POLR1A: variants seen among roughly 807,000 people sequenced by gnomAD.
POLR1A encodes DNA-directed RNA polymerase I subunit RPA1.
POLR1A carries 84 observed loss-of-function variants against 205.3 expected under a neutral mutation model. The ratio of observed to expected loss-of-function variants is 0.41; its 90% CI spans 0.34 to 0.49. POLR1A has a LOEUF of 0.49. POLR1A is among the 20% of genes least tolerant of loss of function. POLR1A has a pLI of 0.22. For missense variants in POLR1A, 1,645 were observed against 2,204.5 expected (o/e 0.75, Z 5.08); for synonymous variants, 799 against 863.7 (o/e 0.93, Z 1.31).
chr2:86,094,089 T>C (rs1444673696), intron 3 of POLR1A, among the ~76,000 whole-genome samples: 5 of 152,222 alleles, frequency 3.3e-5, no homozygotes, highest in Non-Finnish European at 7.3e-5. Context: ...CCATCAGGTA[T>C]GCTTCACTTT....
intron 6 of POLR1A, among the ~76,000 whole-genome samples, chr2:86,085,724 A>G (rs1673493167): frequency 6.6e-6 from 1 of 152,194 alleles, no homozygotes; most frequent in African/African-American, 2.4e-5. Context: ...ATCTCCTCAC[A>G]TGCGCTGCAT....
intron 6 of POLR1A, among the ~76,000 whole-genome samples, chr2:86,086,395 C>T (rs186259482): frequency 6.6e-6 from 1 of 152,308 alleles, no homozygotes; most frequent in Non-Finnish European, 1.5e-5. Flanking sequence ...CTAGCCCTCA[C>T]TTTTTGATTC....
intron 3 of POLR1A, among the ~76,000 whole-genome samples, chr2:86,098,053 C>T (rs1447458748): frequency 6.6e-6 from 1 of 152,084 alleles, no homozygotes; most frequent in Non-Finnish European, 1.5e-5. Flanking sequence ...AAACCAAATA[C>T]AAGAAGTAAA....
intron 1 of POLR1A, among the ~76,000 whole-genome samples, chr2:86,101,446 G>T (rs549823080): frequency 3.3e-5 from 5 of 152,158 alleles, no homozygotes; most frequent in Non-Finnish European, 5.9e-5. Context: ...AGGCGACAGG[G>T]AGGCAGATCT....
chr2:86,081,094 A>C, intron 8 of POLR1A, 116 bp from the exon 9 acceptor site: 1 of 893,502 alleles, frequency 1.1e-6, no homozygotes, highest in Non-Finnish European at 1.7e-6. Context: ...AAAACAACCA[A>C]CCTTCCTAAC....
chr2:86,086,944 C>T (rs1370720488), intron 6 of POLR1A, among the ~76,000 whole-genome samples: 1 of 152,202 alleles, frequency 6.6e-6, no homozygotes, highest in African/African-American at 2.4e-5. Flanking sequence ...TCCACTCTTA[C>T]AGTGTTAACT....
At chr2:86,067,952 A>T (rs139086266) in intron 13 of POLR1A, among the ~76,000 whole-genome samples, 63 of 152,302 alleles carry the variant, frequency 4.1e-4, no homozygotes, top group Non-Finnish European at 7.8e-4. Flanking sequence ...TAATTTATTG[A>T]CATTAAGTTT....
intron 18 of POLR1A, among the ~76,000 whole-genome samples, chr2:86,048,559 C>T (rs918175794): frequency 2.6e-5 from 4 of 152,332 alleles, no homozygotes; most frequent in Non-Finnish European, 4.4e-5. Context: ...GATCCGGGTC[C>T]CTCACCCTGC....
chr2:86,025,764 G>A lies in POLR1A; in HGVS notation c.*1659C>T, dbSNP rs1449648163. ...GGACACTCTCACAATTCTAGTGTGT[G>A]TAGAAATCATCAAGTGAATATGGCC... On this transcript the variant is annotated 3_prime_UTR_variant, in exon 34 of 34. Transcript: ENST00000263857. 1.3e-5 allele frequency: 2 copies of A among 152,262 alleles called. No individual in the cohort carries two copies. Among genetic ancestry groups the A allele is most frequent in the East Asian group, 1.9e-4 (1 of 5,198 alleles). 9.4% of individuals were successfully genotyped at this position (152,262 alleles called of 1,614,324 possible).
intron 16 of POLR1A, 22 bp from the exon 17 acceptor site, chr2:86,049,264 C>T: frequency 6.3e-7 from 1 of 1,589,820 alleles, no homozygotes; most frequent in Non-Finnish European, 8.6e-7. Flanking sequence ...AACAGACAAG[C>T]TTGTAGGCGA....
rs1690243550 is a variant in POLR1A at position 86,025,415 on chromosome 2, A to G, written c.*2008T>C. The stretch of plus-strand genomic sequence containing the variant: ...CACCAAAGTGAGCGTGTAATTCCCT[A>G]AGGCCACCACAGTGAGTCCCTGCTC... On this transcript the variant is annotated 3_prime_UTR_variant, in exon 34 of 34. Coordinates refer to ENST00000263857, the MANE Select transcript of POLR1A (RefSeq NM_015425.6). The G allele has an allele frequency of 6.6e-6, 1 of 152,220 alleles. No homozygotes were observed. Among genetic ancestry groups the G allele is most frequent in the Non-Finnish European group, 1.5e-5 (1 of 68,040 alleles). The allele number at this position is 152,220 out of a possible 1,614,324, so 9.4% of individuals were successfully genotyped here.
intron 13 of POLR1A, among the ~76,000 whole-genome samples, chr2:86,067,489 T>C (rs1673102518): frequency 6.6e-6 from 1 of 152,180 alleles, no homozygotes; most frequent in East Asian, 1.9e-4. Flanking sequence ...TTTAACTGTT[T>C]TCATGGAAAA....
rs1443391327 is a variant in POLR1A at position 86,023,403 on chromosome 2, CCT to C, written c.*4018_*4019del. ...AAGAGCAGTCTGGACTCTGACAGCC[CCT>C]GATTCAGGTGCAAACTAAAAATTTT... On this transcript the variant is annotated 3_prime_UTR_variant, in exon 34 of 34. Coordinates refer to ENST00000263857, the MANE Select transcript of POLR1A (RefSeq NM_015425.6). 4 of 152,142 alleles carry C rather than the reference CCT, an allele frequency of 2.6e-5. No individual in the cohort carries two copies. Among genetic ancestry groups the C allele is most frequent in the Non-Finnish European group, 4.4e-5 (3 of 68,034 alleles). 9.4% of individuals were successfully genotyped at this position (152,142 alleles called of 1,614,324 possible).
At chr2:86,055,133 A>T (rs987501655) in intron 14 of POLR1A, among the ~76,000 whole-genome samples, 1 of 152,234 alleles carries the variant, frequency 6.6e-6, no homozygotes, top group Admixed American at 6.5e-5. Context: ...CATCTCTACT[A>T]AAAATACAAA....
At chr2:86,041,709 T>A (rs1209134131) in intron 24 of POLR1A, among the ~76,000 whole-genome samples, 180 bp downstream of exon 24, 1 of 152,208 alleles carries the variant, frequency 6.6e-6, no homozygotes, top group Non-Finnish European at 1.5e-5. Flanking sequence ...CTTGCACTTG[T>A]TCACTCCTGG....
rs540572644 is a variant in POLR1A at position 86,065,647 on chromosome 2, C to T, written c.1867-182G>A. On this transcript the variant is annotated intron_variant, in intron 13 of 33. Coordinates refer to ENST00000263857, the MANE Select transcript of POLR1A (RefSeq NM_015425.6). ...CCAACTGCTTCCCAAAGCACATGAC[C>T]AGGGTTTAGCACTGGCTTCTACGTT... is the stretch of plus-strand genomic sequence containing the variant. 6.6e-6 allele frequency: 4 copies of T among 604,654 alleles called. No homozygotes were observed. In the African/African-American group the frequency reaches 7.4e-5, roughly 11 times the overall value. 37.5% of individuals were successfully genotyped at this position (604,654 alleles called of 1,614,324 possible).
chr2:86,105,743 G>A lies in POLR1A; in HGVS notation c.34C>T (p.Leu12=). Residue 12 remains leucine (L), a synonymous_variant, in exon 1 of 34, where the codon CTG becomes TTG. Coordinates refer to ENST00000263857, the MANE Select transcript of POLR1A (RefSeq NM_015425.6). The part of the protein sequence containing the change: ...LISKNMPWRR[L]QGISFGMYSA... ...TACATCCCGAAGGAAATGCCCTGCA[G>A]CCGCCGCCAGGGCATGTTCTTGGAG... 2.5e-6 allele frequency: 4 copies of A among 1,614,094 alleles called. No individual in the cohort carries two copies. The highest frequency in any genetic ancestry group is 3.4e-6 in the Non-Finnish European group (4 of 1,179,906).
In POLR1A at chr2:86,036,302, C is replaced by T. The variant is rs377516128; in HGVS notation, c.4034+2398G>A. On this transcript the variant is annotated intron_variant, in intron 27 of 33. Coordinates refer to ENST00000263857, the MANE Select transcript of POLR1A (RefSeq NM_015425.6). ...GCTCAGTGCTCTTTCCACTTCATCTCCCCTGCCACCTGCCAGACAATTTAC... is the reference window on the plus strand; with the variant it reads ...GCTCAGTGCTCTTTCCACTTCATCTTCCCTGCCACCTGCCAGACAATTTAC... Among the ~76,000 whole-genome samples, 17 of 152,314 alleles carry T rather than the reference C, an allele frequency of 1.1e-4. No individual in the cohort carries two copies. In the East Asian group the frequency reaches 2.1e-3, roughly 19 times the overall value.
intron 11 of POLR1A, among the ~76,000 whole-genome samples, chr2:86,076,661 G>A (rs960557167): frequency 4.6e-5 from 7 of 152,284 alleles, no homozygotes; most frequent in Non-Finnish European, 8.8e-5. Context: ...TGACTTCGGG[G>A]TCTCTCCTCC....
Sources: gnomAD v4.1 joint callset for allele counts (sites outside exome capture counted in the v4.1 genomes callset) on GRCh38, gnomAD v4.1.1 for gene constraint, MANE v1.5 for transcripts, NCBI Gene and HGNC (gene_info 2026-07-23, HGNC 2026-07-21) for gene names.